MAML2: variants seen among roughly 807,000 people sequenced by gnomAD.
MAML2 encodes mastermind like transcriptional coactivator 2.
MAML2 carries 22 observed loss-of-function variants against 96.1 expected under a neutral mutation model. The observed-to-expected ratio is 0.23, with a 90% CI of 0.16 to 0.33. The LOEUF (loss-of-function observed/expected upper bound fraction) is 0.33. Ranked by LOEUF, MAML2 falls within the 10% of genes least tolerant of loss-of-function variation. The pLI is 1.00. For synonymous variants in MAML2, 561 were observed against 521.3 expected (o/e 1.08, Z -1.04); for missense variants, 1,367 against 1,392.4 (o/e 0.98, Z 0.29).
chr11:96,020,564 T>C (rs1207807756), intron 2 of MAML2, among the ~76,000 whole-genome samples: 1 of 152,224 alleles, frequency 6.6e-6, no homozygotes, highest in Admixed American at 6.5e-5. Context: ...GCACTGAGTT[T>C]CTGAATCTCT....
At chr11:96,045,042 T>C (rs1398871682) in intron 2 of MAML2, among the ~76,000 whole-genome samples, 3 of 151,964 alleles carry the variant, frequency 2.0e-5, no homozygotes, top group Admixed American at 1.3e-4. Flanking sequence ...AAGACTGAAA[T>C]ATATCCATCC....
intron 2 of MAML2, among the ~76,000 whole-genome samples, chr11:96,015,552 T>C (rs1294173694): frequency 1.0e-5 from 1 of 97,320 alleles, no homozygotes; most frequent in Non-Finnish European, 1.8e-5. Flanking sequence ...AACCATAAAA[T>C]GAAAGTGCTA....
At chr11:96,207,182 G>A (rs545273706) in intron 1 of MAML2, among the ~76,000 whole-genome samples, 1 of 152,260 alleles carries the variant, frequency 6.6e-6, no homozygotes, top group African/African-American at 2.4e-5. Context: ...ATGGCTTTGG[G>A]GTCCTCCAAG....
chr11:96,237,789 C>T (rs1362104130), intron 1 of MAML2, among the ~76,000 whole-genome samples: 1 of 152,146 alleles, frequency 6.6e-6, no homozygotes, highest in Non-Finnish European at 1.5e-5. Context: ...CACAGATTTC[C>T]AGAGTTTACA....
Position 95,976,843 on chromosome 11 carries a change from A to G in MAML2, c.*2105T>C. The G allele has an allele frequency of 5.3e-6, 1 of 187,012 alleles. No individual in the cohort carries two copies. The highest frequency in any genetic ancestry group is 1.1e-5 in the Non-Finnish European group (1 of 88,464). 11.6% of individuals were successfully genotyped at this position (187,012 alleles called of 1,614,324 possible). A position where few individuals can be genotyped will look rare whatever the true frequency, so the allele number is the denominator to read the frequency against. On this transcript the variant is annotated 3_prime_UTR_variant, in exon 5 of 5. Transcript: ENST00000524717. ...CCATACAACAAAAGCGTTTATATGT[A>G]CATCATTTTTTTTCTTTTTGTATGG...
chr11:96,334,256 G>A (rs979622694), intron 1 of MAML2, among the ~76,000 whole-genome samples: 1 of 152,168 alleles, frequency 6.6e-6, no homozygotes, highest in African/African-American at 2.4e-5. Flanking sequence ...ATTCTGGGCT[G>A]GGAAACCTAT....
At chr11:96,016,727 G>T (rs1301562949) in intron 2 of MAML2, among the ~76,000 whole-genome samples, 1 of 152,104 alleles carries the variant, frequency 6.6e-6, no homozygotes, top group East Asian at 1.9e-4. Flanking sequence ...TGGAATTATG[G>T]ACTTTAGGGA....
chr11:96,337,056 C>A (rs1863930262), intron 1 of MAML2, among the ~76,000 whole-genome samples: 1 of 152,166 alleles, frequency 6.6e-6, no homozygotes, highest in African/African-American at 2.4e-5. Flanking sequence ...ACTCCTCTCT[C>A]CACTTGAACC....
chr11:96,142,216 T>G (rs928282539), intron 1 of MAML2, among the ~76,000 whole-genome samples: 3 of 152,152 alleles, frequency 2.0e-5, no homozygotes, highest in African/African-American at 7.2e-5. Context: ...AAGAAATGAC[T>G]TCTATGTTGA....
At chr11:96,006,938 C>A (rs916761044) in intron 2 of MAML2, among the ~76,000 whole-genome samples, 1 of 150,394 alleles carries the variant, frequency 6.6e-6, no homozygotes, top group East Asian at 2.0e-4. Flanking sequence ...TGTTTTGTTT[C>A]TTTTTGTTTG....
intron 2 of MAML2, among the ~76,000 whole-genome samples, chr11:96,060,136 A>G (rs1859132237): frequency 1.3e-5 from 2 of 152,238 alleles, no homozygotes; most frequent in Admixed American, 1.3e-4. Context: ...AGAAGCTGTT[A>G]TGGTAAAGTG....
intron 1 of MAML2, among the ~76,000 whole-genome samples, chr11:96,338,922 C>G (rs1478715226): frequency 6.6e-6 from 1 of 152,168 alleles, no homozygotes; most frequent in African/African-American, 2.4e-5. Flanking sequence ...TGGTGAATCA[C>G]TTCAAAATGC....
chr11:96,140,037 T>C (rs1484147849), intron 1 of MAML2, among the ~76,000 whole-genome samples: 1 of 152,232 alleles, frequency 6.6e-6, no homozygotes, highest in Non-Finnish European at 1.5e-5. Context: ...CCAAGTAAAT[T>C]GCTGCTGAGG....
intron 1 of MAML2, among the ~76,000 whole-genome samples, chr11:96,312,028 T>C (rs1044148944): frequency 6.6e-6 from 1 of 151,844 alleles, no homozygotes; most frequent in Non-Finnish European, 1.5e-5. Flanking sequence ...AAAACCAGCC[T>C]GGCCAACATG....
chr11:96,072,527 T>C (rs916940943), intron 2 of MAML2, among the ~76,000 whole-genome samples: 2 of 152,222 alleles, frequency 1.3e-5, no homozygotes, highest in Non-Finnish European at 2.9e-5. Flanking sequence ...CCACCTCTGA[T>C]ATTCTGAACC....
chr11:96,233,503 G>A (rs1422958982), intron 1 of MAML2, among the ~76,000 whole-genome samples: 9 of 151,864 alleles, frequency 5.9e-5, no homozygotes, highest in Non-Finnish European at 7.4e-5. Context: ...AACCTCCTAG[G>A]CTCAATCGAT....
intron 1 of MAML2, among the ~76,000 whole-genome samples, chr11:96,271,752 A>G (rs1862918336): frequency 6.6e-6 from 1 of 152,140 alleles, no homozygotes. Context: ...AGCCTCAGGT[A>G]TGTCTTTATT....
intron 1 of MAML2, among the ~76,000 whole-genome samples, chr11:96,166,169 TCTCTCTCTCACACACACA>T (rs1312867088): frequency 1.8e-3 from 215 of 116,882 alleles, no homozygotes; most frequent in Admixed American, 5.3e-3. Context: ...TCTCTCTCTC[TCTCTCTCTCACACACACA>T]CACACACACA....
intron 1 of MAML2, among the ~76,000 whole-genome samples, chr11:96,188,939 A>G (rs529905): frequency 6.6e-6 from 1 of 152,228 alleles, no homozygotes; most frequent in Non-Finnish European, 1.5e-5. Flanking sequence ...ACAAATAAGC[A>G]AAAGATTTCA....
Sources: allele counts gnomAD v4.1 joint callset (sites outside exome capture counted in the v4.1 genomes callset), GRCh38; gene constraint gnomAD v4.1.1; transcripts MANE v1.5; gene names NCBI Gene and HGNC (gene_info 2026-07-23, HGNC 2026-07-21).